ANK1: variants seen among roughly 807,000 people sequenced by gnomAD.
ANK1 encodes ankyrin 1.
ANK1 carries 51 observed loss-of-function variants against 210.4 expected under a neutral mutation model. The observed-to-expected ratio is 0.24, with a 90% confidence interval of 0.19 to 0.31. ANK1 has a LOEUF of 0.31. Among genes scored for constraint, ANK1 ranks in the 10% least tolerant of loss-of-function variants. The pLI is 1.00. For missense variants in ANK1, 2,051 were observed against 2,504.4 expected (o/e 0.82, Z 3.86); for synonymous variants, 967 against 1,025.9 (o/e 0.94, Z 1.10).
At chr8:41,793,426 G>A (rs2150765288) in intron 1 of ANK1, among the ~76,000 whole-genome samples, 1 of 152,220 alleles carries the variant, frequency 6.6e-6, no homozygotes, top group Non-Finnish European at 1.5e-5. Flanking sequence ...TGCAGGATCA[G>A]GACAGGAGGC....
intron 37 of ANK1, among the ~76,000 whole-genome samples, chr8:41,680,424 A>G (rs1815604711): frequency 6.6e-6 from 1 of 152,060 alleles, no homozygotes; most frequent in Non-Finnish European, 1.5e-5. Context: ...TTATCTGGGT[A>G]TGGTGGCGGG....
chr8:41,764,003 T>G (rs1456374561), intron 1 of ANK1, among the ~76,000 whole-genome samples: 5 of 141,830 alleles, frequency 3.5e-5, no homozygotes, highest in Non-Finnish European at 7.5e-5. Context: ...CCACTCCCAG[T>G]AGCAACTACA....
chr8:41,753,663 A>T (rs1467302111), intron 2 of ANK1, among the ~76,000 whole-genome samples: 1 of 152,064 alleles, frequency 6.6e-6, no homozygotes, highest in Non-Finnish European at 1.5e-5. Context: ...GGTACCCAAT[A>T]GTTAGTTTTT....
At chr8:41,717,523 G>A (rs1828029414) in intron 12 of ANK1, 81 bp downstream of exon 12, 1 of 1,271,496 alleles carries the variant, frequency 7.9e-7, no homozygotes, top group African/African-American at 1.5e-5. Flanking sequence ...TCCCCAGAGA[G>A]TAGGACTGGG....
intron 1 of ANK1, among the ~76,000 whole-genome samples, chr8:41,858,988 G>T (rs983211832): frequency 6.6e-6 from 1 of 152,220 alleles, no homozygotes; most frequent in African/African-American, 2.4e-5. Flanking sequence ...GAGGGGCGGC[G>T]CCCAGCCTCC....
intron 42 of ANK1, among the ~76,000 whole-genome samples, chr8:41,657,391 A>T (rs1417315145): frequency 2.0e-5 from 3 of 152,204 alleles, no homozygotes; most frequent in Admixed American, 6.5e-5. Context: ...GAGAGGTGTG[A>T]TGTTTAAAAA....
Position 41,696,330 on chromosome 8 carries a change from A to C in ANK1, c.2960+33T>G, listed in dbSNP as rs2304882. 95 of 1,607,370 alleles carry C rather than the reference A, an allele frequency of 5.9e-5. 1 individual carries two copies. The East Asian group carries it at 1.9e-3, about 33-fold the overall frequency. The stretch of plus-strand genomic sequence containing the variant: ...GGCGTGGCCTCCGTGGCACAGGGAC[A>C]GGGGAGAACACGGGCTGCCCGCGCA... On this transcript the variant is annotated intron_variant, in intron 26 of 42. Transcript: ENST00000289734.
Position 41,698,006 on chromosome 8 carries a change from C to T in ANK1, c.2637+37G>A, listed in dbSNP as rs1264725808. On this transcript the variant is annotated intron_variant, in intron 24 of 42. Transcript: ENST00000289734. ...ATCACTGTCCCAGGGTTTTCATGCC[C>T]TCCATGTGGGGAAACCACAGAGAAG... 4.4e-6 allele frequency: 7 copies of T among 1,606,994 alleles called. No individual in the cohort carries two copies. The South Asian group carries it at 5.5e-5, about 13-fold the overall frequency.
chr8:41,761,544 C>G (rs1462791080), intron 1 of ANK1, among the ~76,000 whole-genome samples: 1 of 152,126 alleles, frequency 6.6e-6, no homozygotes, highest in African/African-American at 2.4e-5. Context: ...GGAGTGTGTC[C>G]CTGTGGAGGC....
chr8:41,826,807 C>G (rs1032997453), intron 1 of ANK1, among the ~76,000 whole-genome samples: 3 of 151,878 alleles, frequency 2.0e-5, no homozygotes, highest in South Asian at 2.1e-4. Context: ...TTTTTTCTAG[C>G]CTTGTCGTAA....
rs28624498 is a variant in ANK1, at chr8:41,836,189, G to A, written c.126+60166C>T. Among the ~76,000 whole-genome samples, 891 of 152,366 alleles carry A rather than the reference G, an allele frequency of 5.8e-3. 8 individuals carry two copies. The highest frequency in any genetic ancestry group is 0.02 in the African/African-American group (846 of 41,586). ...TCCCCCAGAACCCACAGCATCTCAC[G>A]GGACGTGCCAGAGTGGCCTCCTTCT... On this transcript the variant is annotated intron_variant, in intron 1 of 42. Coordinates refer to the ANK1 transcript ENST00000265709.
chr8:41,707,527 A>G (rs777747141), intron 17 of ANK1, among the ~76,000 whole-genome samples: 10 of 152,298 alleles, frequency 6.6e-5, no homozygotes, highest in African/African-American at 1.9e-4. Flanking sequence ...GGTGGCTCCA[A>G]TGAGAACAGC....
chr8:41,747,789 C>G (rs577428671), intron 2 of ANK1, among the ~76,000 whole-genome samples: 3 of 152,298 alleles, frequency 2.0e-5, no homozygotes, highest in African/African-American at 7.2e-5. Flanking sequence ...GTGCTAGTCA[C>G]CCTTTTCCCA....
chr8:41,801,482 A>T (rs1554629756), upstream of ANK1, among the ~76,000 whole-genome samples: 1 of 152,254 alleles, frequency 6.6e-6, no homozygotes, highest in Non-Finnish European at 1.5e-5. Context: ...TTACACTGTC[A>T]ACAGCAGGGT....
At chr8:41,673,795 C>T (rs1024096300) in intron 37 of ANK1, among the ~76,000 whole-genome samples, 4 of 152,194 alleles carry the variant, frequency 2.6e-5, no homozygotes, top group African/African-American at 9.7e-5. Context: ...GAGCAGGTGC[C>T]TCTGTGGGTG....
Position 41,672,834 on chromosome 8 carries a change from T to C in ANK1, c.4616A>G (p.Gln1539Arg), listed in dbSNP as rs1485657339. ...CALSSPLRADQYWNEVAVLDA... is the reference protein window; with the variant it reads ...CALSSPLRADRYWNEVAVLDA... ...TAGGACGGCCACCTCATTCCAGTACTGGTCTGCACGTAGCGGAGAGGAAAG... is the reference window on the plus strand; with the variant it reads ...TAGGACGGCCACCTCATTCCAGTACCGGTCTGCACGTAGCGGAGAGGAAAG... The change falls in exon 38 of 43, where the codon CAG (glutamine) becomes CGG (arginine). Residue 1539 changes from glutamine (Q) to arginine (R), a missense_variant. By Grantham distance (43) the Gln-to-Arg change is conservative. Around this residue, in one of 6 missense-constraint regions of ANK1, gnomAD observed 496 missense variants for 533.4 expected, o/e 0.93. Coordinates refer to ENST00000289734, the MANE Select transcript of ANK1 (RefSeq NM_000037.4). 2.5e-6 allele frequency: 4 copies of C among 1,612,388 alleles called. No individual in the cohort carries two copies. In the Admixed American group the frequency reaches 5.0e-5, roughly 20 times the overall value.
At chr8:41,752,788 GCA>G (rs1563667183) in intron 2 of ANK1, among the ~76,000 whole-genome samples, 2 of 91,640 alleles carry the variant, frequency 2.2e-5, no homozygotes, top group African/African-American at 6.8e-5. Flanking sequence ...GCGCTGCTGG[GCA>G]CACACAGGCC....
At chr8:41,706,458 C>A (rs1214604922) in intron 17 of ANK1, among the ~76,000 whole-genome samples, 1 of 152,196 alleles carries the variant, frequency 6.6e-6, no homozygotes, top group African/African-American at 2.4e-5. Flanking sequence ...CTGTTAAGGG[C>A]CAGATCATCA....
chr8:41,862,431 C>T (rs550764294), intron 1 of ANK1, among the ~76,000 whole-genome samples: 14 of 152,242 alleles, frequency 9.2e-5, no homozygotes, highest in Admixed American at 3.3e-4. Flanking sequence ...TCCCAGCCTG[C>T]GCCCCAGGTG....
Sources: allele counts gnomAD v4.1 joint callset (sites outside exome capture counted in the v4.1 genomes callset), GRCh38; gene constraint gnomAD v4.1.1; regional missense constraint gnomAD v4.1.1; transcripts MANE v1.5; gene names NCBI Gene and HGNC (gene_info 2026-07-23, HGNC 2026-07-21).